L3MBTL4: variants seen among roughly 807,000 people sequenced by gnomAD.
L3MBTL4 encodes the protein lethal(3)malignant brain tumor-like protein 4.
L3MBTL4 carries 70 observed loss-of-function variants against 84.5 expected under a neutral mutation model. The ratio of observed to expected loss-of-function variants is 0.83; its 90% CI spans 0.68 to 1.01. The LOEUF is 1.01. Ranked by LOEUF, L3MBTL4 falls within the 50% of genes least tolerant of loss-of-function variation. The probability of loss-of-function intolerance (pLI) is 0.00; values close to 1 mark genes in which losing one functional copy is unlikely to be tolerated. For missense variants in L3MBTL4, 715 were observed against 754.8 expected (o/e 0.95, Z 0.62); for synonymous variants, 274 against 259.8 (o/e 1.05, Z -0.52).
At chr18:6,360,264 A>G (rs1483416891) in intron 1 of L3MBTL4, among the ~76,000 whole-genome samples, 1 of 152,170 alleles carries the variant, frequency 6.6e-6, no homozygotes, top group Non-Finnish European at 1.5e-5. Flanking sequence ...CCAGCTACTC[A>G]GGAGACTGAC....
At chr18:5,994,522 G>A (rs1305690091) in intron 16 of L3MBTL4, among the ~76,000 whole-genome samples, 1 of 152,154 alleles carries the variant, frequency 6.6e-6, no homozygotes, top group Non-Finnish European at 1.5e-5. Context: ...GGTGGGGCAG[G>A]CACAGAGGGG....
chr18:6,249,756 A>C (rs965135334), intron 5 of L3MBTL4, among the ~76,000 whole-genome samples: 3 of 152,220 alleles, frequency 2.0e-5, no homozygotes, highest in Admixed American at 6.5e-5. Context: ...TTATAAGATT[A>C]TATTTTATGG....
In L3MBTL4 at chr18:6,217,374, TC is replaced by T. The variant is rs565804977; in HGVS notation, c.785-1540del. 4.5e-4 allele frequency among the ~76,000 whole-genome samples: 68 copies of T among 152,328 alleles called. No homozygotes were observed. The South Asian group carries it at 0.014, about 32-fold the overall frequency. On this transcript the variant is annotated intron_variant, in intron 10 of 18. Coordinates refer to ENST00000317931, the MANE Select transcript of L3MBTL4 (RefSeq NM_001330559.2). ...TGTTTTTCCCTTTACGTAAATGCAA[TC>T]ACACAGCATGTGCTCCTTTGTGGTG...
chr18:6,363,841 A>G (rs1168768754), intron 1 of L3MBTL4, among the ~76,000 whole-genome samples: 1 of 152,152 alleles, frequency 6.6e-6, no homozygotes, highest in Non-Finnish European at 1.5e-5. Flanking sequence ...CAAAGTTATT[A>G]CATGCTTAAT....
chr18:6,003,892 T>C (rs905490162), intron 16 of L3MBTL4, among the ~76,000 whole-genome samples: 8 of 152,176 alleles, frequency 5.3e-5, no homozygotes, highest in Middle Eastern at 3.4e-3. Context: ...AAGAGGCAGA[T>C]TTATAGCTGT....
intron 1 of L3MBTL4, among the ~76,000 whole-genome samples, chr18:6,337,126 A>C (rs2052378207): frequency 6.6e-6 from 1 of 152,158 alleles, no homozygotes; most frequent in Admixed American, 6.5e-5. Flanking sequence ...AGGAAAGAAA[A>C]GGAGCATAAA....
chr18:6,251,596 G>T (rs1443410386), intron 5 of L3MBTL4, among the ~76,000 whole-genome samples: 1 of 152,190 alleles, frequency 6.6e-6, no homozygotes, highest in Non-Finnish European at 1.5e-5. Flanking sequence ...TTTCCTGTTT[G>T]AGTGATTGGT....
chr18:6,255,761 C>T (rs903371657), intron 5 of L3MBTL4, among the ~76,000 whole-genome samples: 1 of 77,440 alleles, frequency 1.3e-5, no homozygotes, highest in Admixed American at 1.3e-4. Flanking sequence ...CTGAAGGCAA[C>T]AAAATACATA....
chr18:5,960,099 T>C lies in L3MBTL4; in HGVS notation c.1672A>G (p.Lys558Glu), dbSNP rs2095256260. 1.9e-6 allele frequency: 3 copies of C among 1,541,036 alleles called. No individual in the cohort carries two copies. Among genetic ancestry groups the C allele is most frequent in the Admixed American group, 3.6e-5 (2 of 56,068 alleles). Residue 558 changes from lysine to glutamate, a missense_variant, in exon 18 of 19, where the codon AAA (lysine) becomes GAA (glutamate). Lys to Glu is a moderately conservative substitution (Grantham distance 56). Coordinates refer to ENST00000317931, the MANE Select transcript of L3MBTL4 (RefSeq NM_001330559.2). Reference sequence around the variant, plus strand: ...ATAATTTTTGCATCTCTTACCTCTTTCTTAAAGCACTTGGCATGCTCTTCA... The same window carrying C: ...ATAATTTTTGCATCTCTTACCTCTTCCTTAAAGCACTTGGCATGCTCTTCA... ...GCEEHAKCFKKEQIDGKAFLL... is the reference protein window; with the variant it reads ...GCEEHAKCFKEEQIDGKAFLL...
intron 16 of L3MBTL4, among the ~76,000 whole-genome samples, chr18:5,987,082 A>C (rs924641236): frequency 2.6e-5 from 4 of 152,188 alleles, no homozygotes; most frequent in Non-Finnish European, 4.4e-5. Context: ...CTGACCCTGA[A>C]GGTCTGCCCC....
chr18:6,102,456 G>A (rs1043841062), intron 14 of L3MBTL4, among the ~76,000 whole-genome samples: 1 of 152,066 alleles, frequency 6.6e-6, no homozygotes, highest in Non-Finnish European at 1.5e-5. Context: ...TTCCTCTGAG[G>A]AGCTACCTTT....
At chr18:6,320,920 G>T (rs1166968999) in intron 1 of L3MBTL4, among the ~76,000 whole-genome samples, 2 of 152,016 alleles carry the variant, frequency 1.3e-5, no homozygotes, top group African/African-American at 4.8e-5. Flanking sequence ...ACAGAATAGA[G>T]AACCCAGAAA....
chr18:6,312,582 G>T (rs1248071711), intron 1 of L3MBTL4, among the ~76,000 whole-genome samples: 1 of 152,058 alleles, frequency 6.6e-6, no homozygotes, highest in African/African-American at 2.4e-5. Flanking sequence ...TCCACCATGG[G>T]CTCTACACCC....
rs201649714 is a variant in L3MBTL4 at position 6,332,345 on chromosome 18, CGT to C, written c.-90-20291_-90-20290del. Among the ~76,000 whole-genome samples the C allele has an allele frequency of 7.3e-3, 1,116 of 152,240 alleles. 14 individuals carry two copies. The highest frequency in any genetic ancestry group is 0.026 in the African/African-American group (1,079 of 41,546). ...ACTGGGCTGCTCATAGAATACAATG[CGT>C]TAAGAAGAACCTATCGGTTTAGCCA... On this transcript the variant is annotated intron_variant, in intron 1 of 18. Transcript: ENST00000317931.
At chr18:6,066,620 G>A (rs1003861271) in intron 16 of L3MBTL4, among the ~76,000 whole-genome samples, 3 of 151,916 alleles carry the variant, frequency 2.0e-5, no homozygotes, top group Admixed American at 1.3e-4. Context: ...TTCTTTAACT[G>A]TCTTTTTTTA....
intron 13 of L3MBTL4, among the ~76,000 whole-genome samples, chr18:6,147,083 G>T (rs2042687664): frequency 6.6e-6 from 1 of 150,510 alleles, no homozygotes; most frequent in African/African-American, 2.4e-5. Context: ...AAAGCAAACT[G>T]TTCAATTATG....
At chr18:6,177,622 A>G (rs2044281791) in intron 12 of L3MBTL4, among the ~76,000 whole-genome samples, 1 of 152,212 alleles carries the variant, frequency 6.6e-6, no homozygotes, top group African/African-American at 2.4e-5. Flanking sequence ...ATCTCAATAT[A>G]GTTACTTTAT....
At chr18:6,078,980 T>C (rs1041951419) in intron 16 of L3MBTL4, among the ~76,000 whole-genome samples, 2 of 152,096 alleles carry the variant, frequency 1.3e-5, no homozygotes, top group East Asian at 1.9e-4. Flanking sequence ...CTGTTCGTGC[T>C]CCTATGAGGA....
chr18:5,978,777 G>A (rs986972451), intron 16 of L3MBTL4, among the ~76,000 whole-genome samples: 1 of 152,210 alleles, frequency 6.6e-6, no homozygotes, highest in Non-Finnish European at 1.5e-5. Context: ...CACTGGTTGT[G>A]AGGAGCTAAT....
Sources: allele counts gnomAD v4.1 joint callset (sites outside exome capture counted in the v4.1 genomes callset), GRCh38; gene constraint gnomAD v4.1.1; transcripts MANE v1.5; gene names NCBI Gene and HGNC (gene_info 2026-07-23, HGNC 2026-07-21).